The following E2F7 variants were observed in gnomAD, a reference collection of about 807,000 sequenced individuals.
E2F7 encodes the protein transcription factor E2F7.
In E2F7, 35 loss-of-function variants were observed where a neutral mutation model predicts 81.1. That is an observed-to-expected ratio of 0.43 (90% CI 0.33 to 0.57). E2F7 has a LOEUF of 0.57. Among genes scored for constraint, E2F7 ranks in the 20% least tolerant of loss-of-function variants. E2F7 has a pLI of 0.04. For missense variants in E2F7, 961 were observed against 1,093.7 expected (o/e 0.88, Z 1.71); for synonymous variants, 416 against 416.2 (o/e 1.00, Z 0.01).
chr12:77,036,298 T>C (rs1458538140), intron 7 of E2F7, among the ~76,000 whole-genome samples: 2 of 152,154 alleles, frequency 1.3e-5, no homozygotes, highest in Non-Finnish European at 2.9e-5. Flanking sequence ...CCATGTTACA[T>C]ATAAAGAATA....
At position 77,057,658 on chromosome 12, in the gene E2F7, T is replaced by C. The variant is rs534277201; in HGVS notation, c.94-1528A>G. Among the ~76,000 whole-genome samples, 61 of 152,236 alleles carry C rather than the reference T, an allele frequency of 4.0e-4. No individual in the cohort carries two copies. In the South Asian group the frequency reaches 0.011, roughly 26 times the overall value. On this transcript the variant is annotated intron_variant, in intron 2 of 12. Transcript: ENST00000322886. ...TAAGAAAAGACTAACGATGGGCCCA[T>C]TGTAAAAAAGGACTAAGTATATAGA...
In E2F7 at chr12:77,027,913, G is replaced by A; in HGVS notation, c.2110C>T (p.Leu704=). ...GGAGACTGCACACAAAGATATTGTA[G>A]CAAAGAAGGCTCTTTGGTGCTTTCA... The part of the protein sequence containing the change: ...ENESTKEPSL[L]QYLCVQSPAG... The change falls in exon 11 of 13, where the codon CTA becomes TTA. Residue 704 remains leucine (L), a synonymous_variant. Coordinates refer to ENST00000322886, the MANE Select transcript of E2F7 (RefSeq NM_203394.3). 1 of 1,614,196 alleles carries A rather than the reference G, an allele frequency of 6.2e-7. No homozygotes were observed. Among genetic ancestry groups the A allele is most frequent in the East Asian group, 2.2e-5 (1 of 44,876 alleles).
At chr12:77,054,811 C>T (rs1955018685) in intron 3 of E2F7, among the ~76,000 whole-genome samples, 1 of 152,086 alleles carries the variant, frequency 6.6e-6, no homozygotes, top group Non-Finnish European at 1.5e-5. Flanking sequence ...CCTTTGACAA[C>T]AAAAGGCACA....
At position 77,025,975 on chromosome 12, in the gene E2F7, A is replaced by G. The variant is rs765701343; in HGVS notation, c.2148T>C (p.Asn716=). The change falls in exon 12 of 13, where the codon AAT becomes AAC. Residue 716 remains asparagine, a synonymous_variant. Transcript: ENST00000322886. The part of the protein sequence containing the change: ...YLCVQSPAGL[N]GFNVLLSGSQ... ...TGCCAGATAAAAGTACATTGAAACC[A>G]TTTAATCCTGAAAGAAAAGCAGAAC... 1 of 1,602,186 alleles carries G rather than the reference A, an allele frequency of 6.2e-7. No homozygotes were observed. Among genetic ancestry groups the G allele is most frequent in the South Asian group, 1.1e-5 (1 of 89,646 alleles).
At chr12:77,050,082 T>C (rs1434936059) in intron 4 of E2F7, among the ~76,000 whole-genome samples, 2 of 152,230 alleles carry the variant, frequency 1.3e-5, no homozygotes, top group South Asian at 2.1e-4. Context: ...GTTTGAGTTA[T>C]GTCCAAATGA....
intron 7 of E2F7, among the ~76,000 whole-genome samples, chr12:77,036,430 T>C (rs1954849975): frequency 6.6e-6 from 1 of 151,776 alleles, no homozygotes; most frequent in Admixed American, 6.6e-5. Flanking sequence ...GAGGCTGAGG[T>C]GGGATGATTG....
chr12:77,042,592 C>T (rs907407776), intron 7 of E2F7, among the ~76,000 whole-genome samples: 5 of 152,258 alleles, frequency 3.3e-5, no homozygotes, highest in East Asian at 1.9e-4. Flanking sequence ...TACATCCATA[C>T]TATATTTAGA....
chr12:77,055,932 T>A lies in E2F7; in HGVS notation c.292A>T (p.Ile98Leu). Reference sequence around the variant, plus strand: ...CCCTTTTTCTTCTCCCGGTCCCTTATATCTGGGCTGGCAGCACTAATGAGC... The same window carrying A: ...CCCTTTTTCTTCTCCCGGTCCCTTAAATCTGGGCTGGCAGCACTAATGAGC... ...KMLISAASPD[I>L]RDREKKKGLF... Residue 98 changes from isoleucine (I) to leucine (L), a missense_variant, in exon 3 of 13, where the codon ATA (isoleucine) becomes TTA (leucine). Ile to Leu is a conservative substitution (Grantham distance 5, BLOSUM62 2). Around this residue, in one of 3 missense-constraint regions of E2F7, gnomAD observed 301 missense variants for 405.0 expected, o/e 0.74. Transcript: ENST00000322886. 6.2e-7 allele frequency: 1 copy of A among 1,614,150 alleles called. No individual in the cohort carries two copies. Among genetic ancestry groups the A allele is most frequent in the Non-Finnish European group, 8.5e-7 (1 of 1,180,018 alleles).
Position 77,033,798 on chromosome 12 carries a change from G to A in E2F7, c.1309+59C>T, listed in dbSNP as rs977155696. 5 of 1,469,998 alleles carry A rather than the reference G, an allele frequency of 3.4e-6. No homozygotes were observed. In the African/African-American group the frequency reaches 5.7e-5, roughly 17 times the overall value. 91.1% of individuals were successfully genotyped at this position (1,469,998 alleles called of 1,614,324 possible). ...ACGCCAGCACGTGGGTGCTGCACTGGCATGGGCTACAGCTACATGGCAACT... is the reference window on the plus strand; with the variant it reads ...ACGCCAGCACGTGGGTGCTGCACTGACATGGGCTACAGCTACATGGCAACT... On this transcript the variant is annotated intron_variant, in intron 8 of 12. Transcript: ENST00000322886.
At chr12:77,031,378 C>T (rs556649936) in intron 9 of E2F7, among the ~76,000 whole-genome samples, 26 of 152,168 alleles carry the variant, frequency 1.7e-4, no homozygotes, top group African/African-American at 3.6e-4. Flanking sequence ...TGGTGGCTCA[C>T]GCCTGTAATC....
rs993325768 is a variant in E2F7, at chr12:77,022,728, T to C, written c.*1287A>G. 1 of 152,284 alleles carries C rather than the reference T, an allele frequency of 6.6e-6. No individual in the cohort carries two copies. Among genetic ancestry groups the C allele is most frequent in the Admixed American group, 6.5e-5 (1 of 15,278 alleles). 9.4% of individuals were successfully genotyped at this position (152,284 alleles called of 1,614,324 possible). A position where few individuals can be genotyped will look rare whatever the true frequency, so the allele number is the denominator to read the frequency against. On this transcript the variant is annotated 3_prime_UTR_variant, in exon 13 of 13. Transcript: ENST00000322886. ...TGAAGAGACAAGAGAGAGGTAAATA[T>C]CAGCAAGTCTAGGAATACAAAGAAC...
intron 3 of E2F7, 45 bp from the exon 4 acceptor site, chr12:77,050,789 C>T (rs1295224828): frequency 6.3e-7 from 1 of 1,595,972 alleles, no homozygotes; most frequent in Non-Finnish European, 8.5e-7. Flanking sequence ...TCACAGTTAA[C>T]ATCCTAATGG....
At position 77,065,524 on chromosome 12, in the gene E2F7, C is replaced by G. The variant is rs35834163; in HGVS notation, c.-180G>C. 0.073 allele frequency: 11,098 copies of G among 152,392 alleles called. 557 individuals carry two copies. The highest frequency in any genetic ancestry group is 0.12 in the Middle Eastern group (35 of 294). The allele number at this position is 152,392 out of a possible 1,614,324, so 9.4% of individuals were successfully genotyped here. ...GGGACCCCGCGGCGTCCGGGCAGCG[C>G]CAGCGCTCAGACCGGCCGAGCGCAA... is the stretch of plus-strand genomic sequence containing the variant. On this transcript the variant is annotated 5_prime_UTR_variant, in exon 1 of 13. Coordinates refer to ENST00000322886, the MANE Select transcript of E2F7 (RefSeq NM_203394.3).
chr12:77,045,950 G>A (rs1386095982), intron 5 of E2F7, 88 bp downstream of exon 5: 5 of 1,502,058 alleles, frequency 3.3e-6, no homozygotes, highest in Non-Finnish European at 3.6e-6. Flanking sequence ...TTGTCAACCT[G>A]GCACTTCCCA....
intron 2 of E2F7, among the ~76,000 whole-genome samples, 200 bp from the exon 3 acceptor site, chr12:77,056,330 G>A (rs1955032440): frequency 6.6e-6 from 1 of 152,166 alleles, no homozygotes; most frequent in Non-Finnish European, 1.5e-5. Context: ...ATTATACTCT[G>A]CTACTCCTTT....
Position 77,046,153 on chromosome 12 carries a change from G to A in E2F7, c.714C>T (p.Leu238=). The A allele has an allele frequency of 6.2e-7, 1 of 1,614,144 alleles. No homozygotes were observed. Among genetic ancestry groups the A allele is most frequent in the Non-Finnish European group, 8.5e-7 (1 of 1,180,030 alleles). ...EQKYEEQMAY[L]QQKELDLIDY... is the part of the protein sequence containing the mutation. ...CTATCAGGTCCAGCTCTTTCTGTTG[G>A]AGGTAGGCCATTTGCTCTTCATATT... Residue 238 remains leucine (L), a synonymous_variant, in exon 5 of 13, where the codon CTC becomes CTT. Transcript: ENST00000322886.
rs376409006 is a variant in E2F7 at position 77,025,977 on chromosome 12, T to G, written c.2146A>C (p.Asn716His). 9 of 1,601,630 alleles carry G rather than the reference T, an allele frequency of 5.6e-6. No individual in the cohort carries two copies. In the East Asian group the frequency reaches 1.6e-4, roughly 28 times the overall value. The change falls in exon 12 of 13, where the codon AAT becomes CAT. Residue 716 changes from asparagine (N) to histidine (H), a missense_variant. Transcript: ENST00000322886. Reference protein sequence around the residue: ...YLCVQSPAGLNGFNVLLSGSQ... With the variant: ...YLCVQSPAGLHGFNVLLSGSQ... ...CCAGATAAAAGTACATTGAAACCAT[T>G]TAATCCTGAAAGAAAAGCAGAACAG...
intron 5 of E2F7, chr12:77,045,813 A>T: frequency 1.9e-6 from 1 of 537,110 alleles, no homozygotes; most frequent in Non-Finnish European, 3.2e-6. Flanking sequence ...TTCTCCCAAC[A>T]GGCCAAACTC....
At chr12:77,032,844 A>G (rs1954817376) in intron 9 of E2F7, among the ~76,000 whole-genome samples, 1 of 152,200 alleles carries the variant, frequency 6.6e-6, no homozygotes, top group African/African-American at 2.4e-5. Flanking sequence ...ATAAGCCATC[A>G]TAGCTTACAG....
Sources: allele counts gnomAD v4.1 joint callset (sites outside exome capture counted in the v4.1 genomes callset), GRCh38; gene constraint gnomAD v4.1.1; regional missense constraint gnomAD v4.1.1; transcripts MANE v1.5; gene names NCBI Gene and HGNC (gene_info 2026-07-23, HGNC 2026-07-21).